The following DPH6 variants were observed in gnomAD, a reference collection of about 807,000 sequenced individuals.
DPH6 encodes diphthamine biosynthesis 6.
Under a neutral mutation model 38.2 loss-of-function variants are expected in DPH6, and 33 were observed. The observed-to-expected ratio is 0.86, with a 90% CI of 0.65 to 1.15. The LOEUF (loss-of-function observed/expected upper bound fraction) is 1.15. DPH6 is among the 50% of genes most tolerant of loss of function. The pLI is 0.00. For synonymous variants in DPH6, 108 were observed against 103.0 expected (o/e 1.05, Z -0.30); for missense variants, 325 against 320.0 (o/e 1.02, Z -0.12).
intron 6 of DPH6, among the ~76,000 whole-genome samples, chr15:35,403,822 CTTT>C (rs550585754): frequency 6.3e-5 from 9 of 141,980 alleles, no homozygotes; most frequent in Admixed American, 1.4e-4. Flanking sequence ...TCATTCATTC[CTTT>C]TTTTTTTTTT....
At chr15:35,502,323 A>G (rs1311663541) in intron 3 of DPH6, among the ~76,000 whole-genome samples, 1 of 152,066 alleles carries the variant, frequency 6.6e-6, no homozygotes, top group African/African-American at 2.4e-5. Flanking sequence ...CAAAGGCTAA[A>G]AAAAGAAAAA....
intron 3 of DPH6, among the ~76,000 whole-genome samples, chr15:35,302,577 AG>A (rs1372870740): frequency 2.6e-5 from 4 of 152,220 alleles, no homozygotes; most frequent in Non-Finnish European, 4.4e-5. Flanking sequence ...GCATTTTAAT[AG>A]ATTATGGCAA....
intron 3 of DPH6, among the ~76,000 whole-genome samples, chr15:35,294,663 G>A (rs1164117120): frequency 6.6e-6 from 1 of 152,136 alleles, no homozygotes; most frequent in East Asian, 1.9e-4. Context: ...ATACAACAGT[G>A]AACCAAAACA....
At chr15:35,177,034 T>G in the DPH6 span, among the ~76,000 whole-genome samples, 5 of 152,170 alleles carry the variant, frequency 3.3e-5, no homozygotes, top group Admixed American at 3.3e-4. Context: ...TGTATTTGTA[T>G]TTGCCAATGA....
At chr15:35,378,761 TG>T (rs1215587036) in intron 7 of DPH6, among the ~76,000 whole-genome samples, 2 of 142,544 alleles carry the variant, frequency 1.4e-5, no homozygotes, top group Admixed American at 7.2e-5. Flanking sequence ...CACTCACAAG[TG>T]GGAGTTGAAC....
intron 3 of DPH6, among the ~76,000 whole-genome samples, chr15:35,313,239 A>ATTT (rs1318959369): frequency 3.3e-5 from 5 of 151,188 alleles, no homozygotes; most frequent in African/African-American, 1.2e-4. Context: ...TTTAAAAAAA[A>ATTT]ATTTTTTTTT....
chr15:35,402,904 T>C (rs2053239891), intron 6 of DPH6, among the ~76,000 whole-genome samples: 1 of 152,070 alleles, frequency 6.6e-6, no homozygotes, highest in African/African-American at 2.4e-5. Context: ...ATATCTTATA[T>C]AATTATTTCA....
rs1239985566 is a variant in DPH6 at position 35,373,774 on chromosome 15, G to A, written c.663-166C>T. ...TTTTTAATAACCCAGTATTTAATTG[G>A]GAAAAGGTTCAAGTATACTAAGCTT... On this transcript the variant is annotated intron_variant, in intron 7 of 8. Transcript: ENST00000256538. Among the ~76,000 whole-genome samples, 4 of 151,708 alleles carry A rather than the reference G, an allele frequency of 2.6e-5. No individual in the cohort carries two copies. In the East Asian group the frequency reaches 7.7e-4, roughly 29 times the overall value.
At chr15:35,372,313 C>A in intron 8 of DPH6, 110 bp from the exon 9 acceptor site, 1 of 918,582 alleles carries the variant, frequency 1.1e-6, no homozygotes, top group South Asian at 3.4e-5. Flanking sequence ...CTGTTATCTT[C>A]GCAGCCTATT....
chr15:35,411,034 G>T, intron 5 of DPH6, 138 bp from the exon 6 acceptor site: 2 of 679,950 alleles, frequency 2.9e-6, no homozygotes, highest in Non-Finnish European at 4.6e-6. Flanking sequence ...AAAGTAAAAT[G>T]TACTTTGCTA....
At chr15:35,534,859 T>C (rs1217265381) in intron 3 of DPH6, among the ~76,000 whole-genome samples, 1 of 152,182 alleles carries the variant, frequency 6.6e-6, no homozygotes, top group South Asian at 2.1e-4. Context: ...AGAATAAAAA[T>C]GGCTATGGCA....
chr15:35,201,887 A>C, the DPH6 span, among the ~76,000 whole-genome samples: 1 of 151,704 alleles, frequency 6.6e-6, no homozygotes, highest in Non-Finnish European at 1.5e-5. Context: ...GTTCAACGTC[A>C]CTATACATTT....
At chr15:35,184,472 G>T in the DPH6 span, among the ~76,000 whole-genome samples, 2 of 152,132 alleles carry the variant, frequency 1.3e-5, no homozygotes, top group Admixed American at 6.5e-5. Flanking sequence ...CCAAGTAGGG[G>T]TTAACTCTCC....
intron 3 of DPH6, among the ~76,000 whole-genome samples, chr15:35,293,645 C>A (rs965384151): frequency 6.6e-6 from 1 of 152,172 alleles, no homozygotes; most frequent in African/African-American, 2.4e-5. Context: ...AGTGATTGCT[C>A]AGGGGTGTCC....
At chr15:35,351,847 G>C (rs2052514288) in intron 3 of DPH6, among the ~76,000 whole-genome samples, 2 of 151,158 alleles carry the variant, frequency 1.3e-5, no homozygotes, top group Non-Finnish European at 2.9e-5. Context: ...TTAGCTTCCT[G>C]AGTAGCTAGG....
downstream of DPH6, among the ~76,000 whole-genome samples, chr15:35,329,540 G>A (rs1240774405): frequency 6.6e-6 from 1 of 152,024 alleles, no homozygotes; most frequent in Non-Finnish European, 1.5e-5. Flanking sequence ...CCTTGCAAAG[G>A]GAAGGTTAAA....
At chr15:35,377,541 T>C (rs1465170975) in intron 7 of DPH6, among the ~76,000 whole-genome samples, 1 of 152,122 alleles carries the variant, frequency 6.6e-6, no homozygotes, top group African/African-American at 2.4e-5. Flanking sequence ...GTAAAATAAG[T>C]AATAAGAGAG....
At chr15:35,352,344 T>C (rs2052521233) in intron 3 of DPH6, among the ~76,000 whole-genome samples, 1 of 152,194 alleles carries the variant, frequency 6.6e-6, no homozygotes, top group Non-Finnish European at 1.5e-5. Flanking sequence ...GTTTGTTACA[T>C]ATGTATACAT....
At chr15:35,276,632 A>C (rs1379125168) in intron 3 of DPH6, among the ~76,000 whole-genome samples, 1 of 152,222 alleles carries the variant, frequency 6.6e-6, no homozygotes, top group Non-Finnish European at 1.5e-5. Flanking sequence ...ATGAGGATCC[A>C]GTTTCATTAT....
Sources: allele counts gnomAD v4.1 joint callset (sites outside exome capture counted in the v4.1 genomes callset), GRCh38; gene constraint gnomAD v4.1.1; transcripts MANE v1.5; gene names NCBI Gene and HGNC (gene_info 2026-07-23, HGNC 2026-07-21).